RALYL: variants seen among roughly 807,000 people sequenced by gnomAD.
RALYL encodes the protein RALY RNA binding protein like, also known as RNA-binding Raly-like protein.
In RALYL, 29 loss-of-function variants were observed where a neutral mutation model predicts 35.1. The observed-to-expected ratio is 0.83, with a 90% CI of 0.61 to 1.13. The LOEUF is 1.13. Among genes scored for constraint, RALYL ranks in the 50% most tolerant of loss-of-function variants. The pLI is 0.00. For synonymous variants in RALYL, 120 were observed against 127.6 expected (o/e 0.94, Z 0.40); for missense variants, 359 against 360.4 (o/e 1.00, Z 0.03).
intron 1 of RALYL, among the ~76,000 whole-genome samples, chr8:84,484,831 G>T (rs2054438087): frequency 6.6e-6 from 1 of 152,022 alleles, no homozygotes. Context: ...CAAGAAACTA[G>T]CTTTTTCACT....
At chr8:84,448,476 C>T (rs1023033007) in intron 1 of RALYL, among the ~76,000 whole-genome samples, 6 of 151,950 alleles carry the variant, frequency 3.9e-5, no homozygotes, top group African/African-American at 1.4e-4. Context: ...ATTTCTGCCC[C>T]CGCCCCCATA....
intron 2 of RALYL, among the ~76,000 whole-genome samples, chr8:84,623,664 T>G (rs748773637): frequency 8.6e-5 from 13 of 151,958 alleles, no homozygotes; most frequent in Admixed American, 4.6e-4. Context: ...TTCGAAGAAG[T>G]TTTTCTCTAA....
chr8:84,428,250 T>C (rs2132618008), intron 1 of RALYL, among the ~76,000 whole-genome samples: 1 of 152,286 alleles, frequency 6.6e-6, no homozygotes, highest in African/African-American at 2.4e-5. Flanking sequence ...AAACCTAGTT[T>C]GTTTCCCAAA....
chr8:84,759,841 G>A (rs1812273905), intron 2 of RALYL, among the ~76,000 whole-genome samples: 1 of 152,106 alleles, frequency 6.6e-6, no homozygotes, highest in African/African-American at 2.4e-5. Context: ...ACGTATCTGT[G>A]ATGTGATCTT....
intron 2 of RALYL, among the ~76,000 whole-genome samples, chr8:84,598,654 A>G (rs1815181782): frequency 6.6e-6 from 1 of 152,154 alleles, no homozygotes; most frequent in South Asian, 2.1e-4. Context: ...TCAACTAACA[A>G]TAGTCTTTTA....
At chr8:84,643,063 G>A (rs1350800706) in intron 2 of RALYL, among the ~76,000 whole-genome samples, 3 of 151,944 alleles carry the variant, frequency 2.0e-5, no homozygotes, top group East Asian at 3.9e-4. Flanking sequence ...AGGGGAAAGA[G>A]AGAGAGTAGG....
chr8:84,468,626 A>G (rs1412062059), intron 1 of RALYL, among the ~76,000 whole-genome samples: 2 of 146,884 alleles, frequency 1.4e-5, no homozygotes, highest in East Asian at 2.0e-4. Flanking sequence ...TGTGTCTTGG[A>G]GTTGCTCTTC....
intron 2 of RALYL, among the ~76,000 whole-genome samples, chr8:84,729,710 T>C (rs1207286883): frequency 4.6e-5 from 7 of 151,888 alleles, no homozygotes; most frequent in East Asian, 1.9e-4. Context: ...ATATCACCAC[T>C]GATCCCACAG....
intron 1 of RALYL, among the ~76,000 whole-genome samples, chr8:84,249,761 C>T (rs987972925): frequency 1.3e-5 from 2 of 151,840 alleles, no homozygotes; most frequent in African/African-American, 4.8e-5. Flanking sequence ...TATTCTACTG[C>T]ACTATACTAC....
intron 1 of RALYL, among the ~76,000 whole-genome samples, chr8:84,285,755 TGAG>T (rs1698555276): frequency 6.6e-6 from 1 of 152,096 alleles, no homozygotes; most frequent in African/African-American, 2.4e-5. Context: ...GTGTAACTAA[TGAG>T]GAGTAAGCAA....
chr8:84,192,348 C>T (rs1414438887), intron 1 of RALYL, among the ~76,000 whole-genome samples: 1 of 152,172 alleles, frequency 6.6e-6, no homozygotes, highest in African/African-American at 2.4e-5. Context: ...TGTGGGAGGA[C>T]TTTTCCAGAT....
intron 1 of RALYL, among the ~76,000 whole-genome samples, chr8:84,403,272 C>A (rs1257993966): frequency 6.6e-6 from 1 of 151,952 alleles, no homozygotes; most frequent in African/African-American, 2.4e-5. Context: ...AGGTTTTCTT[C>A]TAGGGTTTTT....
At chr8:84,572,660 G>A (rs530382165) in intron 2 of RALYL, among the ~76,000 whole-genome samples, 3 of 151,844 alleles carry the variant, frequency 2.0e-5, no homozygotes, top group Admixed American at 6.6e-5. Flanking sequence ...ATTTATTCAT[G>A]TATAGATTTT....
intron 1 of RALYL, among the ~76,000 whole-genome samples, chr8:84,268,216 C>T (rs777456686): frequency 6.6e-5 from 10 of 152,136 alleles, no homozygotes; most frequent in Non-Finnish European, 1.3e-4. Context: ...TGAGACTCAA[C>T]GAGACAGTCA....
chr8:84,920,777 C>A (rs1267332407), intron 8 of RALYL, 117 bp from the exon 9 acceptor site: 2 of 424,432 alleles, frequency 4.7e-6, no homozygotes, highest in African/African-American at 4.1e-5. Flanking sequence ...ATATCTAATT[C>A]TTCCTTTATT....
intron 1 of RALYL, among the ~76,000 whole-genome samples, chr8:84,211,940 G>A (rs989945880): frequency 6.6e-6 from 1 of 152,124 alleles, no homozygotes; most frequent in Non-Finnish European, 1.5e-5. Flanking sequence ...TGCACGAATT[G>A]TATCGCCTTT....
chr8:84,635,469 A>G (rs1050616789), intron 2 of RALYL, among the ~76,000 whole-genome samples: 1 of 151,576 alleles, frequency 6.6e-6, no homozygotes, highest in South Asian at 2.1e-4. Flanking sequence ...CTTTTAAAAC[A>G]TTTTTGGAGG....
intron 2 of RALYL, among the ~76,000 whole-genome samples, chr8:84,735,008 T>TGC (rs1402907670): frequency 2.9e-5 from 2 of 68,258 alleles, no homozygotes; most frequent in Admixed American, 1.2e-4. Flanking sequence ...GATATGTTTG[T>TGC]GTGTGTGTGT....
chr8:84,502,065 T>G (rs1217642779), intron 1 of RALYL, among the ~76,000 whole-genome samples: 1 of 151,892 alleles, frequency 6.6e-6, no homozygotes, highest in African/African-American at 2.4e-5. Flanking sequence ...AAATACCATT[T>G]TTTGACAATT....
Sources: allele counts gnomAD v4.1 joint callset (sites outside exome capture counted in the v4.1 genomes callset), GRCh38; gene constraint gnomAD v4.1.1; transcripts MANE v1.5; gene names NCBI Gene and HGNC (gene_info 2026-07-23, HGNC 2026-07-21).